The following MARCHF1 variants were observed in gnomAD, a reference collection of about 807,000 sequenced individuals.
The protein encoded by MARCHF1 is E3 ubiquitin-protein ligase MARCHF1.
A neutral mutation model predicts 54.2 loss-of-function variants in MARCHF1; 40 were observed. That is an observed-to-expected ratio of 0.74 (90% CI 0.57 to 0.96). The LOEUF (loss-of-function observed/expected upper bound fraction) is 0.96. MARCHF1 is among the 40% of genes least tolerant of loss of function. The pLI is 0.00. For missense variants in MARCHF1, 586 were observed against 656.5 expected (o/e 0.89, Z 1.17); for synonymous variants, 236 against 236.3 (o/e 1.00, Z 0.01).
chr4:164,156,233 A>G (rs1579580620), intron 1 of MARCHF1, among the ~76,000 whole-genome samples: 1 of 152,134 alleles, frequency 6.6e-6, no homozygotes, highest in Non-Finnish European at 1.5e-5. Flanking sequence ...GCACAAAACT[A>G]TTGAAGTTTT....
chr4:163,872,907 G>T (rs937975702), intron 3 of MARCHF1, among the ~76,000 whole-genome samples: 5 of 152,068 alleles, frequency 3.3e-5, no homozygotes, highest in African/African-American at 1.2e-4. Flanking sequence ...AGCCGGGCGT[G>T]GTGGCGGGCG....
intron 4 of MARCHF1, among the ~76,000 whole-genome samples, chr4:163,805,697 C>T (rs1412685622): frequency 6.6e-6 from 1 of 152,118 alleles, no homozygotes; most frequent in African/African-American, 2.4e-5. Context: ...GTGATTGTAC[C>T]ATATTGCCTC....
At chr4:163,537,463 G>A (rs1415436917) in intron 9 of MARCHF1, among the ~76,000 whole-genome samples, 3 of 152,094 alleles carry the variant, frequency 2.0e-5, no homozygotes, top group Non-Finnish European at 4.4e-5. Context: ...CAAAATGCCG[G>A]GAGCACAAAG....
intron 2 of MARCHF1, among the ~76,000 whole-genome samples, chr4:164,043,994 G>A (rs1382083350): frequency 6.6e-6 from 1 of 152,116 alleles, no homozygotes; most frequent in Non-Finnish European, 1.5e-5. Context: ...ATCTCCATCT[G>A]AGACCACCTC....
chr4:164,252,440 A>G (rs1733156148), intron 1 of MARCHF1, among the ~76,000 whole-genome samples: 1 of 152,170 alleles, frequency 6.6e-6, no homozygotes, highest in African/African-American at 2.4e-5. Context: ...CCAAGGCAGG[A>G]AGCCCTGGAA....
At position 164,101,632 on chromosome 4, in the gene MARCHF1, C is replaced by T. The variant is rs556273686; in HGVS notation, c.-248+9956G>A. ...ATCTGTACATCACCATCATCAAAGA[C>T]CAAAAGTAGATAAAACCACAAAGAT... On this transcript the variant is annotated intron_variant, in intron 2 of 9. Transcript: ENST00000514618. Among the ~76,000 whole-genome samples the T allele has an allele frequency of 4.2e-3, 531 of 127,442 alleles. 1 individual carries two copies. The highest frequency in any genetic ancestry group is 7.2e-3 in the Non-Finnish European group (419 of 58,270). 83.6% of individuals were successfully genotyped at this position (127,442 alleles called of 152,430 possible). A position where few individuals can be genotyped will look rare whatever the true frequency, so the allele number is the denominator to read the frequency against.
chr4:163,912,507 G>A (rs1751215525), intron 3 of MARCHF1, among the ~76,000 whole-genome samples: 1 of 152,094 alleles, frequency 6.6e-6, no homozygotes, highest in South Asian at 2.1e-4. Context: ...AAATACATTT[G>A]CGTACAAGAA....
chr4:164,333,192 A>C (rs2110811988), intron 1 of MARCHF1, among the ~76,000 whole-genome samples: 1 of 152,340 alleles, frequency 6.6e-6, no homozygotes, highest in Middle Eastern at 3.4e-3. Context: ...CAGACTTTAC[A>C]TAATAAAGAT....
At chr4:164,066,686 C>T (rs1754736724) in intron 2 of MARCHF1, among the ~76,000 whole-genome samples, 1 of 151,792 alleles carries the variant, frequency 6.6e-6, no homozygotes, top group Admixed American at 6.6e-5. Flanking sequence ...ACTATGCAGC[C>T]ATAGAAAAAA....
chr4:164,025,337 CT>C (rs1219208772), intron 2 of MARCHF1, among the ~76,000 whole-genome samples: 1 of 151,912 alleles, frequency 6.6e-6, no homozygotes, highest in African/African-American at 2.4e-5. Flanking sequence ...CCAAATGTGG[CT>C]CATAAAGCGA....
At chr4:164,280,786 G>T (rs1362219899) in intron 1 of MARCHF1, among the ~76,000 whole-genome samples, 3 of 152,064 alleles carry the variant, frequency 2.0e-5, no homozygotes, top group Non-Finnish European at 4.4e-5. Flanking sequence ...TATATAGTGA[G>T]AATGCCACTG....
Position 163,526,231 on chromosome 4 carries a change from G to GC in MARCHF1, c.*2516dup, listed in dbSNP as rs1738100408. The GC allele has an allele frequency of 6.6e-6, 1 of 152,038 alleles. No individual in the cohort carries two copies. Among genetic ancestry groups the GC allele is most frequent in the South Asian group, 2.1e-4 (1 of 4,832 alleles). 9.4% of individuals were successfully genotyped at this position (152,038 alleles called of 1,614,324 possible). A position where few individuals can be genotyped will look rare whatever the true frequency, so the allele number is the denominator to read the frequency against. On this transcript the variant is annotated 3_prime_UTR_variant, in exon 10 of 10. Transcript: ENST00000514618. ...ATGTTTTCTTAGTGTTAAAAGTGTA[G>GC]CCCTTAATAAATGAGGCTTTATTTT...
intron 2 of MARCHF1, among the ~76,000 whole-genome samples, chr4:164,040,564 C>T (rs1754107410): frequency 6.6e-6 from 1 of 150,892 alleles, no homozygotes; most frequent in Admixed American, 6.6e-5. Context: ...AAAAAATAGG[C>T]TTCAGAATGG....
In MARCHF1 at chr4:163,867,605, T is replaced by C. The variant is rs114490951; in HGVS notation, c.-38-13436A>G. ...CACTTTACCTGAAAAATGACTCAGATACTGACTACCAAGGCTTTCTTTTTT... is the reference window on the plus strand; with the variant it reads ...CACTTTACCTGAAAAATGACTCAGACACTGACTACCAAGGCTTTCTTTTTT... On this transcript the variant is annotated intron_variant, in intron 3 of 9. Transcript: ENST00000514618. 4.2e-3 allele frequency among the ~76,000 whole-genome samples: 641 copies of C among 151,920 alleles called. 6 individuals carry two copies. The highest frequency in any genetic ancestry group is 0.014 in the African/African-American group (583 of 41,516).
chr4:163,977,508 A>G (rs1752672445), intron 3 of MARCHF1, among the ~76,000 whole-genome samples: 1 of 152,198 alleles, frequency 6.6e-6, no homozygotes, highest in African/African-American at 2.4e-5. Context: ...AAATTCAGTT[A>G]AGAGGCTTTT....
chr4:164,125,435 T>C (rs2321305), intron 1 of MARCHF1, among the ~76,000 whole-genome samples: 78,258 of 151,948 alleles, frequency 0.52, 20,702 homozygotes, highest in South Asian at 0.57. Context: ...ATATACTTCA[T>C]TGAGGACCAA....
intron 8 of MARCHF1, chr4:163,585,039 GTTC>G (rs1240432998): frequency 6.6e-6 from 1 of 152,160 alleles, no homozygotes; most frequent in African/African-American, 2.4e-5. Context: ...TTTACAAGCT[GTTC>G]TTCGGTGGCT....
chr4:164,176,908 A>G (rs1472860158), intron 1 of MARCHF1, among the ~76,000 whole-genome samples: 4 of 141,296 alleles, frequency 2.8e-5, no homozygotes, highest in Non-Finnish European at 4.7e-5. Flanking sequence ...TTTTTCTTAA[A>G]TTCAATTTGT....
chr4:163,900,754 C>A (rs191096043), intron 3 of MARCHF1, among the ~76,000 whole-genome samples: 1 of 152,052 alleles, frequency 6.6e-6, no homozygotes, highest in Non-Finnish European at 1.5e-5. Flanking sequence ...TATTAGGAAT[C>A]TTTCTTGTGC....
Sources: gnomAD v4.1 joint callset for allele counts (sites outside exome capture counted in the v4.1 genomes callset) on GRCh38, gnomAD v4.1.1 for gene constraint, MANE v1.5 for transcripts, NCBI Gene and HGNC (gene_info 2026-07-23, HGNC 2026-07-21) for gene names.